The following ADARB2 variants were observed in gnomAD, a reference collection of about 807,000 sequenced individuals.
ADARB2 encodes the protein inactive double-stranded RNA-specific editase B2.
Under a neutral mutation model 62.2 loss-of-function variants are expected in ADARB2, and 25 were observed. The ratio of observed to expected loss-of-function variants is 0.40; its 90% CI spans 0.29 to 0.56. ADARB2 has a LOEUF of 0.56. Among genes scored for constraint, ADARB2 ranks in the 20% least tolerant of loss-of-function variants. The pLI is 0.43. For synonymous variants in ADARB2, 572 were observed against 500.8 expected (o/e 1.14, Z -1.90); for missense variants, 1,071 against 1,077.4 (o/e 0.99, Z 0.08).
At chr10:1,448,054 C>T (rs1178262365) in intron 1 of ADARB2, among the ~76,000 whole-genome samples, 1 of 152,106 alleles carries the variant, frequency 6.6e-6, no homozygotes, top group African/African-American at 2.4e-5. Flanking sequence ...GTGCATGTGT[C>T]TTTATGGTAT....
At chr10:1,457,264 T>C (rs1831106022) in intron 1 of ADARB2, among the ~76,000 whole-genome samples, 1 of 152,210 alleles carries the variant, frequency 6.6e-6, no homozygotes, top group East Asian at 1.9e-4. Flanking sequence ...GTGGTGAGCA[T>C]GAGGGCTGGC....
Position 1,704,708 on chromosome 10 carries a change from G to A in ADARB2, c.100+32343C>T, listed in dbSNP as rs1176492315. Among the ~76,000 whole-genome samples the A allele has an allele frequency of 6.6e-6, 1 of 152,192 alleles. No individual in the cohort carries two copies. Among genetic ancestry groups the A allele is most frequent in the Non-Finnish European group, 1.5e-5 (1 of 68,040 alleles). On this transcript the variant is annotated intron_variant, in intron 1 of 9. Transcript: ENST00000381312. The surrounding 1 kb of genome is among the most constrained non-coding windows in gnomAD (Gnocchi z 5.6). ...TATAAAGTGGTTTGGAATCATGTGG[G>A]ATTATTGATATTATTACAAAGAATA...
At position 1,489,279 on chromosome 10, in the gene ADARB2, A is replaced by C. The variant is rs897620033; in HGVS notation, c.101-110119T>G. On this transcript the variant is annotated intron_variant, in intron 1 of 9. Coordinates refer to ENST00000381312, the MANE Select transcript of ADARB2 (RefSeq NM_018702.4). ...CTCTGGGAGCTTCTGCACCGGATGC[A>C]CCTGACCTTCCCTTTCAGCAAGGCG... Among the ~76,000 whole-genome samples, 45 of 149,912 alleles carry C rather than the reference A, an allele frequency of 3.0e-4. 1 individual carries two copies. The highest frequency in any genetic ancestry group is 1.1e-3 in the African/African-American group (43 of 39,732).
rs185892939 is a variant in ADARB2 at position 1,531,883 on chromosome 10, C to T, written c.101-152723G>A. Among the ~76,000 whole-genome samples, 180 of 152,258 alleles carry T rather than the reference C, an allele frequency of 1.2e-3. 1 individual carries two copies. The highest frequency in any genetic ancestry group is 3.4e-3 in the Middle Eastern group (1 of 294). On this transcript the variant is annotated intron_variant, in intron 1 of 9. Transcript: ENST00000381312. ...AGTGCCCTAGAATTCCAGCTTTCCT[C>T]CTAACAACACACGTGGTCCACATCC...
chr10:1,287,236 C>T (rs1831422285), intron 3 of ADARB2, among the ~76,000 whole-genome samples: 2 of 152,186 alleles, frequency 1.3e-5, no homozygotes, highest in Non-Finnish European at 2.9e-5. Flanking sequence ...ATCAAAGCTA[C>T]ATAGTTAGCC....
intron 1 of ADARB2, among the ~76,000 whole-genome samples, chr10:1,449,977 C>T (rs1431057648): frequency 6.6e-6 from 1 of 152,190 alleles, no homozygotes; most frequent in Non-Finnish European, 1.5e-5. Flanking sequence ...TCTCGCTGAC[C>T]CTGACGGAGG....
In ADARB2 at chr10:1,221,459, C is replaced by T. The variant is rs554186758; in HGVS notation, c.1514-4340G>A. 2.7e-3 allele frequency among the ~76,000 whole-genome samples: 401 copies of T among 150,932 alleles called. 1 individual carries two copies. The highest frequency in any genetic ancestry group is 0.01 in the Middle Eastern group (3 of 294). ...TACTTTAAGTTTTAGGGTACATGTG[C>T]ACAACGTGCAGGTTTGTTACATATG... On this transcript the variant is annotated intron_variant, in intron 6 of 9. Transcript: ENST00000381312.
At chr10:1,506,137 C>CT (rs567928918) in intron 1 of ADARB2, among the ~76,000 whole-genome samples, 25,014 of 152,078 alleles carry the variant, frequency 0.16, 2,333 homozygotes, top group Middle Eastern at 0.23. Context: ...TTTTTACTGT[C>CT]TGTCATGACG....
intron 3 of ADARB2, among the ~76,000 whole-genome samples, chr10:1,340,032 C>G (rs993439378): frequency 6.6e-6 from 1 of 152,234 alleles, no homozygotes; most frequent in Non-Finnish European, 1.5e-5. Context: ...TGGCCCCAGA[C>G]AGCCTAGAGC....
At chr10:1,501,447 A>C (rs551352547) in intron 1 of ADARB2, among the ~76,000 whole-genome samples, 2 of 152,224 alleles carry the variant, frequency 1.3e-5, no homozygotes, top group Non-Finnish European at 2.9e-5. Flanking sequence ...ATTGCAGAGT[A>C]CTGGGCCCTA....
chr10:1,644,078 A>C (rs1301548585), intron 1 of ADARB2, among the ~76,000 whole-genome samples: 1 of 152,218 alleles, frequency 6.6e-6, no homozygotes, highest in Non-Finnish European at 1.5e-5. Flanking sequence ...GGAAGCAGCT[A>C]ATGCGGGGAG....
At chr10:1,733,300 A>G (rs1835256867) in intron 1 of ADARB2, among the ~76,000 whole-genome samples, 1 of 152,256 alleles carries the variant, frequency 6.6e-6, no homozygotes, top group Non-Finnish European at 1.5e-5. Context: ...CCTTTTTCAA[A>G]GAAAAATTCT....
chr10:1,291,608 T>C (rs1228128698), intron 3 of ADARB2: 6 of 152,138 alleles, frequency 3.9e-5, no homozygotes, highest in Admixed American at 2.6e-4. Context: ...CTGCATGGAG[T>C]GAGCGCCCCA....
intron 1 of ADARB2, among the ~76,000 whole-genome samples, chr10:1,464,745 G>A (rs574614053): frequency 4.5e-5 from 6 of 134,558 alleles, no homozygotes; most frequent in Non-Finnish European, 9.7e-5. Context: ...CCCCACACAC[G>A]CGCTGGGGGC....
chr10:1,577,656 A>G (rs375355063), intron 1 of ADARB2, among the ~76,000 whole-genome samples: 1 of 152,106 alleles, frequency 6.6e-6, no homozygotes, highest in East Asian at 1.9e-4. Flanking sequence ...GTGGGAAAGG[A>G]CGGTGGGTGG....
intron 2 of ADARB2, among the ~76,000 whole-genome samples, chr10:1,364,396 A>G (rs1832295017): frequency 1.3e-5 from 2 of 152,214 alleles, no homozygotes; most frequent in Admixed American, 1.3e-4. Flanking sequence ...AGAGGCAGAC[A>G]GGTGGTGTCT....
chr10:1,293,259 A>AGAGGGAGGGAAG (rs1316735459), intron 3 of ADARB2, among the ~76,000 whole-genome samples: 5 of 113,406 alleles, frequency 4.4e-5, no homozygotes, highest in African/African-American at 7.6e-5. Context: ...GGAGAGGGAC[A>AGAGGGAGGGAAG]GAGGGAGGGA....
At chr10:1,588,337 C>A (rs532533820) in intron 1 of ADARB2, among the ~76,000 whole-genome samples, 1 of 152,150 alleles carries the variant, frequency 6.6e-6, no homozygotes, top group Admixed American at 6.6e-5. Flanking sequence ...TTATCTGCAG[C>A]GGGTCCAACA....
At chr10:1,663,531 C>T (rs895492889) in intron 1 of ADARB2, among the ~76,000 whole-genome samples, 3 of 152,140 alleles carry the variant, frequency 2.0e-5, no homozygotes, top group Non-Finnish European at 4.4e-5. Context: ...GTTGAAATCA[C>T]ATAGTTTGTA....
Sources: gnomAD v4.1 joint callset for allele counts (sites outside exome capture counted in the v4.1 genomes callset) on GRCh38, gnomAD v4.1.1 for gene constraint, Gnocchi (gnomAD v3.1) non-coding constraint, MANE v1.5 for transcripts, NCBI Gene and HGNC (gene_info 2026-07-23, HGNC 2026-07-21) for gene names.